The following PPFIA2 variants were observed in gnomAD, a reference collection of about 807,000 sequenced individuals.
PPFIA2 encodes liprin-alpha-2.
Under a neutral mutation model 175.5 loss-of-function variants are expected in PPFIA2, and 46 were observed. The ratio of observed to expected loss-of-function variants is 0.26; its 90% CI spans 0.21 to 0.34. The LOEUF (loss-of-function observed/expected upper bound fraction) is 0.34. Ranked by LOEUF, PPFIA2 falls within the 10% of genes least tolerant of loss-of-function variation. The pLI is 1.00. For missense variants in PPFIA2, 1,179 were observed against 1,506.1 expected (o/e 0.78, Z 3.60); for synonymous variants, 568 against 511.4 (o/e 1.11, Z -1.49).
At chr12:81,274,041 T>C (rs2039882752) in intron 28 of PPFIA2, among the ~76,000 whole-genome samples, 1 of 152,176 alleles carries the variant, frequency 6.6e-6, no homozygotes, top group African/African-American at 2.4e-5. Flanking sequence ...ATTGAGGTTT[T>C]CAGACCTCAG....
At chr12:81,566,529 TCAAA>T (rs1567361937) in intron 4 of PPFIA2, among the ~76,000 whole-genome samples, 9 of 14,846 alleles carry the variant, frequency 6.1e-4, no homozygotes, top group African/African-American at 1.8e-3. Flanking sequence ...AGACTCCAAC[TCAAA>T]AAAAAAAAAA....
intron 22 of PPFIA2, among the ~76,000 whole-genome samples, chr12:81,308,517 C>T (rs1359268366): frequency 1.3e-5 from 2 of 152,124 alleles, no homozygotes; most frequent in African/African-American, 4.8e-5. Flanking sequence ...ATCTCTTAGC[C>T]AATTAACATT....
intron 4 of PPFIA2, among the ~76,000 whole-genome samples, chr12:81,560,010 C>A (rs941493183): frequency 1.3e-5 from 2 of 152,154 alleles, no homozygotes; most frequent in Non-Finnish European, 2.9e-5. Flanking sequence ...TTTGCACTAA[C>A]AGACACTGAA....
chr12:81,538,857 G>A (rs1594692466), intron 4 of PPFIA2, among the ~76,000 whole-genome samples: 1 of 151,856 alleles, frequency 6.6e-6, no homozygotes, highest in African/African-American at 2.4e-5. Flanking sequence ...AGGGTTCTGA[G>A]GGCAATAATA....
At chr12:81,371,639 A>G (rs1485822231) in intron 11 of PPFIA2, among the ~76,000 whole-genome samples, 1 of 151,838 alleles carries the variant, frequency 6.6e-6, no homozygotes, top group Non-Finnish European at 1.5e-5. Flanking sequence ...GTCCTGTTTA[A>G]ATTCCTATTA....
At chr12:81,312,394 A>G in intron 22 of PPFIA2, 2 of 554,256 alleles carry the variant, frequency 3.6e-6, no homozygotes, top group Non-Finnish European at 6.4e-6. Context: ...TAGTTGACCA[A>G]TAAGTCTATG....
Position 81,297,880 on chromosome 12 carries a change from T to C in PPFIA2, c.2724+1421A>G, listed in dbSNP as rs551515865. ...AACGAAAGGAGATGAAGTTAAAGTTTCATTCATTGGATCACTCAGCTCATT... is the reference window on the plus strand; with the variant it reads ...AACGAAAGGAGATGAAGTTAAAGTTCCATTCATTGGATCACTCAGCTCATT... On this transcript the variant is annotated intron_variant, in intron 23 of 32. Coordinates refer to ENST00000549396, the MANE Select transcript of PPFIA2 (RefSeq NM_003625.5). 7.2e-5 allele frequency among the ~76,000 whole-genome samples: 11 copies of C among 152,368 alleles called. 1 individual carries two copies. The highest frequency in any genetic ancestry group is 2.6e-4 in the African/African-American group (11 of 41,594).
chr12:81,369,484 C>T, intron 11 of PPFIA2: 1 of 1,211,010 alleles, frequency 8.3e-7, no homozygotes, highest in Non-Finnish European at 1.0e-6. Flanking sequence ...TGCCATTGTC[C>T]AATCTTAAGC....
At chr12:81,512,481 T>A in intron 4 of PPFIA2, 1 of 394,238 alleles carries the variant, frequency 2.5e-6, no homozygotes, top group Non-Finnish European at 3.9e-6. Context: ...TTAGTTTTTA[T>A]TGCACTTAAA....
chr12:81,268,703 G>A (rs1565818716), intron 28 of PPFIA2, among the ~76,000 whole-genome samples: 1 of 152,192 alleles, frequency 6.6e-6, no homozygotes, highest in Non-Finnish European at 1.5e-5. Context: ...CTAGGTGTCT[G>A]TCTGAAGTTC....
chr12:81,310,848 A>C (rs1177127683), intron 22 of PPFIA2, among the ~76,000 whole-genome samples: 2 of 152,168 alleles, frequency 1.3e-5, no homozygotes, highest in East Asian at 3.8e-4. Context: ...ACTGTAACTT[A>C]AAATTATATT....
chr12:81,584,645 G>C (rs949636794), intron 4 of PPFIA2, among the ~76,000 whole-genome samples: 1 of 150,348 alleles, frequency 6.7e-6, no homozygotes, highest in Non-Finnish European at 1.5e-5. Context: ...ATAGCTTACT[G>C]CTCCTAGGCC....
intron 8 of PPFIA2, among the ~76,000 whole-genome samples, chr12:81,394,293 T>A (rs891206906): frequency 1.3e-5 from 2 of 152,036 alleles, no homozygotes; most frequent in Non-Finnish European, 2.9e-5. Flanking sequence ...TGGGCTCTTA[T>A]ATATTTTAGA....
At chr12:81,317,553 A>C (rs1330619765) in intron 22 of PPFIA2, among the ~76,000 whole-genome samples, 2 of 151,458 alleles carry the variant, frequency 1.3e-5, no homozygotes, top group African/African-American at 4.8e-5. Flanking sequence ...GTAATAGTAC[A>C]TGGACGTGTG....
At chr12:81,560,932 C>T (rs527368732) in intron 4 of PPFIA2, among the ~76,000 whole-genome samples, 88 of 152,210 alleles carry the variant, frequency 5.8e-4, no homozygotes, top group African/African-American at 2.1e-3. Context: ...TAGATATCAA[C>T]AAATCACCTT....
intron 4 of PPFIA2, among the ~76,000 whole-genome samples, chr12:81,550,000 G>A (rs2067635388): frequency 6.6e-6 from 1 of 151,884 alleles, no homozygotes; most frequent in African/African-American, 2.4e-5. Context: ...CCAAGGCAAA[G>A]ATAGCTTTCT....
intron 7 of PPFIA2, among the ~76,000 whole-genome samples, chr12:81,422,020 G>T (rs1289867909): frequency 1.3e-5 from 2 of 150,808 alleles, no homozygotes; most frequent in African/African-American, 4.9e-5. Context: ...CTAGAGGCAA[G>T]AAGGTGATTA....
chr12:81,594,586 T>C (rs2059041195), intron 4 of PPFIA2, among the ~76,000 whole-genome samples: 1 of 152,104 alleles, frequency 6.6e-6, no homozygotes, highest in African/African-American at 2.4e-5. Flanking sequence ...ATAAAAAATG[T>C]AAATGTAGAA....
chr12:81,647,472 C>A (rs1392028079), intron 4 of PPFIA2, among the ~76,000 whole-genome samples: 3 of 151,872 alleles, frequency 2.0e-5, no homozygotes, highest in African/African-American at 4.8e-5. Context: ...TTATTAAAAA[C>A]CAAATATGGC....
Sources: allele counts gnomAD v4.1 joint callset (sites outside exome capture counted in the v4.1 genomes callset), GRCh38; gene constraint gnomAD v4.1.1; transcripts MANE v1.5; gene names NCBI Gene and HGNC (gene_info 2026-07-23, HGNC 2026-07-21).